Variants in TTC17 observed in about 807,000 individuals in gnomAD.
TTC17 encodes tetratricopeptide repeat protein 17.
TTC17 carries 58 observed loss-of-function variants against 143.8 expected under a neutral mutation model. The ratio of observed to expected loss-of-function variants is 0.40; its 90% confidence interval spans 0.33 to 0.50. TTC17 has a LOEUF of 0.50. Ranked by LOEUF, TTC17 falls within the 20% of genes least tolerant of loss-of-function variation. The pLI is 0.49. For synonymous variants in TTC17, 501 were observed against 497.8 expected (o/e 1.01, Z -0.09); for missense variants, 1,273 against 1,392.5 (o/e 0.91, Z 1.37).
chr11:43,384,777 T>A (rs1857110972), intron 2 of TTC17, among the ~76,000 whole-genome samples: 1 of 152,244 alleles, frequency 6.6e-6, no homozygotes, highest in African/African-American at 2.4e-5. Flanking sequence ...TTTAGTGACA[T>A]GTATGACCAT....
chr11:43,449,991 C>T (rs1947625922), intron 19 of TTC17, 91 bp from the exon 20 acceptor site: 1 of 1,379,558 alleles, frequency 7.2e-7, no homozygotes, highest in Non-Finnish European at 9.9e-7. Flanking sequence ...ATTGTTAATG[C>T]TGTCTCTCCT....
chr11:43,451,714 T>C (rs1439757753), intron 21 of TTC17, among the ~76,000 whole-genome samples: 1 of 152,192 alleles, frequency 6.6e-6, no homozygotes, highest in Non-Finnish European at 1.5e-5. Flanking sequence ...ACAGAAAATA[T>C]CATTGAGAGG....
chr11:43,481,527 G>T (rs971385963), intron 21 of TTC17, among the ~76,000 whole-genome samples: 1 of 152,056 alleles, frequency 6.6e-6, no homozygotes, highest in Non-Finnish European at 1.5e-5. Flanking sequence ...TTTGTGGGAG[G>T]TTTTTAATTA....
intron 16 of TTC17, among the ~76,000 whole-genome samples, chr11:43,416,862 G>C (rs1946791081): frequency 6.6e-6 from 1 of 152,130 alleles, no homozygotes; most frequent in South Asian, 2.1e-4. Flanking sequence ...AAATTCTACT[G>C]CATCTTCTCA....
At chr11:43,466,603 G>T in intron 21 of TTC17, 1 of 292,744 alleles carries the variant, frequency 3.4e-6, no homozygotes. Flanking sequence ...AATGGCATTG[G>T]TGGCAAGTCC....
chr11:43,378,987 A>G, intron 1 of TTC17: 2 of 434,120 alleles, frequency 4.6e-6, no homozygotes, highest in South Asian at 5.6e-5. Context: ...TATCACCTGT[A>G]AAGTCAGAAT....
chr11:43,374,962 A>G (rs569269543), intron 1 of TTC17, among the ~76,000 whole-genome samples: 56 of 152,350 alleles, frequency 3.7e-4, no homozygotes, highest in African/African-American at 1.3e-3. Context: ...GCAGAGGGAC[A>G]TAGGTGAAAA....
rs781770146 is a variant in TTC17 at position 43,450,142 on chromosome 11, C to T, written c.2847C>T (p.Cys949=). ...PIQQPAMEPL[C]NGNLPTSMHT... ...AGCAGCCAGCAATGGAGCCTCTTTG[C>T]AATGGCAATCTCCCCACGAGTATGC... The change falls in exon 20 of 24, where the codon TGC becomes TGT. Residue 949 remains cysteine, a synonymous_variant. Transcript: ENST00000039989. 1 of 1,614,210 alleles carries T rather than the reference C, an allele frequency of 6.2e-7. No homozygotes were observed. Among genetic ancestry groups the T allele is most frequent in the South Asian group, 1.1e-5 (1 of 91,086 alleles).
Position 43,458,037 on chromosome 11 carries a change from T to C in TTC17, c.3030+6772T>C, listed in dbSNP as rs1175859107. 5.9e-5 allele frequency among the ~76,000 whole-genome samples: 9 copies of C among 152,218 alleles called. No homozygotes were observed. In the East Asian group the frequency reaches 1.2e-3, roughly 20 times the overall value. On this transcript the variant is annotated intron_variant, in intron 21 of 23. Transcript: ENST00000039989. The stretch of plus-strand genomic sequence containing the variant: ...AGCTTAAGAGCCAGGAGGAAAAATA[T>C]TATTTCTGTATCAGTTACCTATTGT...
At chr11:43,362,338 A>T (rs1856150726) in intron 1 of TTC17, among the ~76,000 whole-genome samples, 1 of 152,172 alleles carries the variant, frequency 6.6e-6, no homozygotes, top group Non-Finnish European at 1.5e-5. Flanking sequence ...TTTTAAGTAC[A>T]TCAAGGAGTC....
At chr11:43,395,597 C>G (rs1214308725) in intron 5 of TTC17, 1 of 152,182 alleles carries the variant, frequency 6.6e-6, no homozygotes, top group African/African-American at 2.4e-5. Context: ...AGTAGAAGTT[C>G]ATAGTTGATC....
At chr11:43,400,111 A>C in intron 9 of TTC17, 63 bp downstream of exon 9, 3 of 1,530,860 alleles carry the variant, frequency 2.0e-6, no homozygotes, top group Non-Finnish European at 2.7e-6. Context: ...ATGCTTTACT[A>C]TCATAACTTT....
At chr11:43,382,941 C>G (rs1857028542) in intron 2 of TTC17, among the ~76,000 whole-genome samples, 1 of 151,822 alleles carries the variant, frequency 6.6e-6, no homozygotes. Context: ...GCTCTGTCAC[C>G]TAGGCTGGAG....
chr11:43,406,032 TAGA>T, intron 13 of TTC17, 81 bp downstream of exon 13: 1 of 1,455,918 alleles, frequency 6.9e-7, no homozygotes, highest in Non-Finnish European at 9.2e-7. Context: ...AAAAAATTGA[TAGA>T]AGGTAGCTGT....
At chr11:43,418,437 G>C (rs756116699) in intron 16 of TTC17, among the ~76,000 whole-genome samples, 22 of 152,094 alleles carry the variant, frequency 1.4e-4, no homozygotes, top group Non-Finnish European at 2.1e-4. Context: ...TAAACATCTT[G>C]TTTGGGCAGT....
At chr11:43,379,178 A>G in intron 1 of TTC17, 55 bp from the exon 2 acceptor site, 1 of 1,514,470 alleles carries the variant, frequency 6.6e-7, no homozygotes, top group Non-Finnish European at 9.1e-7. Flanking sequence ...GACTTTGTTA[A>G]TCCAAACCAG....
intron 16 of TTC17, among the ~76,000 whole-genome samples, chr11:43,434,227 ACACACT>A (rs1226204935): frequency 1.8e-4 from 18 of 98,690 alleles, no homozygotes; most frequent in South Asian, 3.3e-4. Context: ...ACACACACAC[ACACACT>A]CTCATGGCCT....
chr11:43,430,296 C>T (rs572323314), intron 16 of TTC17, among the ~76,000 whole-genome samples: 43 of 152,182 alleles, frequency 2.8e-4, no homozygotes, highest in East Asian at 2.7e-3. Flanking sequence ...GGTGTGGTGG[C>T]GTGCACCTGT....
intron 1 of TTC17, among the ~76,000 whole-genome samples, chr11:43,361,281 A>G (rs912604741): frequency 6.6e-6 from 1 of 152,376 alleles, no homozygotes; most frequent in East Asian, 1.9e-4. Context: ...ACATTAGTGT[A>G]TGAAATCCAT....
Sources: gnomAD v4.1 joint callset for allele counts (sites outside exome capture counted in the v4.1 genomes callset) on GRCh38, gnomAD v4.1.1 for gene constraint, MANE v1.5 for transcripts, NCBI Gene and HGNC (gene_info 2026-07-23, HGNC 2026-07-21) for gene names.